The following PSAP variants were observed in gnomAD, a reference collection of about 807,000 sequenced individuals.
PSAP encodes the protein precursor of saposins.
PSAP carries 25 observed loss-of-function variants against 66.0 expected under a neutral mutation model. The observed-to-expected ratio is 0.38, with a 90% CI of 0.28 to 0.53. The LOEUF (loss-of-function observed/expected upper bound fraction) is 0.53. Among genes scored for constraint, PSAP ranks in the 20% least tolerant of loss-of-function variants. The pLI, the probability that PSAP is intolerant of heterozygous loss-of-function variation, is 0.83. For synonymous variants in PSAP, 273 were observed against 258.9 expected (o/e 1.05, Z -0.52); for missense variants, 649 against 668.8 (o/e 0.97, Z 0.33).
chr10:71,849,641 A>G (rs1356620678), intron 1 of PSAP, among the ~76,000 whole-genome samples: 2 of 152,092 alleles, frequency 1.3e-5, no homozygotes, highest in Admixed American at 6.5e-5. Context: ...ACAAACAAAA[A>G]AAAAACGGCC....
intron 6 of PSAP, among the ~76,000 whole-genome samples, chr10:71,826,740 C>G (rs1464473550): frequency 3.0e-5 from 2 of 66,124 alleles, no homozygotes; most frequent in Non-Finnish European, 6.4e-5. Context: ...AACCCTGTCT[C>G]AAGAAAAAAA....
chr10:71,843,303 G>T (rs918473812), intron 1 of PSAP, among the ~76,000 whole-genome samples: 1 of 152,182 alleles, frequency 6.6e-6, no homozygotes, highest in African/African-American at 2.4e-5. Context: ...ACAGAAGAGA[G>T]GGGGAGGAGC....
intron 1 of PSAP, among the ~76,000 whole-genome samples, chr10:71,843,441 C>G (rs754785973): frequency 2.6e-5 from 4 of 152,162 alleles, no homozygotes; most frequent in Non-Finnish European, 4.4e-5. Flanking sequence ...TCGTACAGAA[C>G]AGCATCCCAT....
chr10:71,829,123 G>A (rs780683330), intron 4 of PSAP, 46 bp from the exon 5 acceptor site: 1 of 1,566,840 alleles, frequency 6.4e-7, no homozygotes, highest in Admixed American at 1.7e-5. Flanking sequence ...CTCCCCAGGG[G>A]AAAATAAGAC....
intron 4 of PSAP, among the ~76,000 whole-genome samples, chr10:71,830,813 T>G (rs1443202280): frequency 1.3e-5 from 2 of 152,352 alleles, no homozygotes; most frequent in African/African-American, 4.8e-5. Flanking sequence ...GTTTTGTGCC[T>G]GCTCAAAGGG....
At position 71,831,881 on chromosome 10, in the gene PSAP, C is replaced by T. The variant is rs150701404; in HGVS notation, c.214G>A (p.Ala72Thr). 1.3e-5 allele frequency: 21 copies of T among 1,613,896 alleles called. No homozygotes were observed. In the Admixed American group the frequency reaches 2.0e-4, roughly 15 times the overall value. ...TTGTCCTTCAGCATATCACCAGCTG[C>T]GGTGACAACGTCTTTGCATATGTCG... ...PCDICKDVVT[A>T]AGDMLKDNAT... Residue 72 changes from alanine (A) to threonine (T), a missense_variant, in exon 3 of 14, where the codon GCA (alanine) becomes ACA (threonine). Coordinates refer to ENST00000394936, the MANE Select transcript of PSAP (RefSeq NM_002778.4).
rs950008448 is a variant in PSAP at position 71,816,801 on chromosome 10, ACACGGGAAAGC to A, written c.*629_*639del. 1.4e-5 allele frequency: 3 copies of A among 214,064 alleles called. No homozygotes were observed. In the Admixed American group the frequency reaches 1.5e-4, roughly 11 times the overall value. 13.3% of individuals were successfully genotyped at this position (214,064 alleles called of 1,614,324 possible). A position where few individuals can be genotyped will look rare whatever the true frequency, so the allele number is the denominator to read the frequency against. ...CCCAAACAAGGCATCACCAGGAAAG[ACACGGGAAAGC>A]CAAATCACAGTTGAACCAGGGACAG... is the stretch of plus-strand genomic sequence containing the variant. On this transcript the variant is annotated 3_prime_UTR_variant, in exon 14 of 14. Transcript: ENST00000394936.
Position 71,817,119 on chromosome 10 carries a change from C to T in PSAP, c.*322G>A, listed in dbSNP as rs1017005214. The stretch of plus-strand genomic sequence containing the variant: ...AGGCCTCAACCAAGAGGGTTGATGG[C>T]CTCCAGTCAAGAAACTGTGGCTCAT... On this transcript the variant is annotated 3_prime_UTR_variant, in exon 14 of 14. Transcript: ENST00000394936. 1.3e-5 allele frequency: 6 copies of T among 467,314 alleles called. No homozygotes were observed. The highest frequency in any genetic ancestry group is 6.8e-5 in the Admixed American group (2 of 29,616). 28.9% of individuals were successfully genotyped at this position (467,314 alleles called of 1,614,324 possible).
At chr10:71,843,813 C>T (rs1008022496) in intron 1 of PSAP, among the ~76,000 whole-genome samples, 3 of 152,132 alleles carry the variant, frequency 2.0e-5, no homozygotes, top group African/African-American at 7.2e-5. Context: ...TGGTAAAAAT[C>T]CAAATAAAGT....
In PSAP at chr10:71,825,882, A is replaced by G. The variant is rs146732171; in HGVS notation, c.732T>C (p.Tyr244=). 6 of 1,613,494 alleles carry G rather than the reference A, an allele frequency of 3.7e-6. No individual in the cohort carries two copies. The highest frequency in any genetic ancestry group is 5.1e-6 in the Non-Finnish European group (6 of 1,179,502). ...GPGMADICKN[Y]ISQYSEIAIQ... ...TAGCAATTTCAGAATACTGGCTGAT[A>G]TAGTTCTTGCACTGAGGAGAGAGAA... The change falls in exon 7 of 14, where the codon TAT becomes TAC. Residue 244 remains tyrosine, a synonymous_variant. Transcript: ENST00000394936.
chr10:71,817,554 C>T, intron 13 of PSAP, 78 bp from the exon 14 acceptor site: 1 of 1,392,904 alleles, frequency 7.2e-7, no homozygotes, highest in Non-Finnish European at 1.0e-6. Context: ...TCAGATATCA[C>T]CCCAAAACAG....
At chr10:71,849,947 A>G (rs971575196) in intron 1 of PSAP, among the ~76,000 whole-genome samples, 3 of 152,188 alleles carry the variant, frequency 2.0e-5, no homozygotes, top group African/African-American at 7.2e-5. Context: ...TAAGGGGTGT[A>G]GGAATCATAC....
chr10:71,845,094 A>G (rs1842797320), intron 1 of PSAP, among the ~76,000 whole-genome samples: 2 of 152,252 alleles, frequency 1.3e-5, no homozygotes, highest in Admixed American at 1.3e-4. Flanking sequence ...TGTATGCATA[A>G]GATAAAACAT....
intron 1 of PSAP, among the ~76,000 whole-genome samples, chr10:71,836,534 C>A (rs952526971): frequency 6.6e-5 from 10 of 152,094 alleles, no homozygotes; most frequent in Non-Finnish European, 1.2e-4. Flanking sequence ...CCTAGCCCTA[C>A]CTCCAAATCA....
chr10:71,831,326 C>A, intron 3 of PSAP, 75 bp from the exon 4 acceptor site: 1 of 1,576,242 alleles, frequency 6.3e-7, no homozygotes, highest in East Asian at 2.3e-5. Flanking sequence ...GGCAAGAGGC[C>A]CTCAATAGCT....
Position 71,831,144 on chromosome 10 carries a change from G to A in PSAP, c.357C>T (p.Asp119=). The part of the protein sequence containing the change: ...IVDSYLPVIL[D]IIKGEMSRPG... The stretch of plus-strand genomic sequence containing the variant: ...CACTTACCATTTCTCCTTTAATGAT[G>A]TCCAGGATGACAGGGAGGTAGGAGT... Residue 119 remains aspartate (D), a synonymous_variant, in exon 4 of 14, where the codon GAC becomes GAT. Transcript: ENST00000394936. The A allele has an allele frequency of 6.2e-7, 1 of 1,614,082 alleles. No individual in the cohort carries two copies. Among genetic ancestry groups the A allele is most frequent in the Non-Finnish European group, 8.5e-7 (1 of 1,179,986 alleles).
At chr10:71,844,303 C>G (rs146592446) in intron 1 of PSAP, among the ~76,000 whole-genome samples, 2 of 152,284 alleles carry the variant, frequency 1.3e-5, no homozygotes, top group East Asian at 3.9e-4. Context: ...GAGACATGTA[C>G]GAGAATTTTT....
intron 1 of PSAP, among the ~76,000 whole-genome samples, chr10:71,839,099 C>A (rs1842679889): frequency 6.6e-6 from 1 of 152,202 alleles, no homozygotes; most frequent in Non-Finnish European, 1.5e-5. Context: ...GTATGCTGAA[C>A]TCCAAAAAAG....
chr10:71,823,691 C>G (rs1432297177), intron 7 of PSAP, among the ~76,000 whole-genome samples: 1 of 152,082 alleles, frequency 6.6e-6, no homozygotes, highest in Non-Finnish European at 1.5e-5. Flanking sequence ...GAGATGAGAC[C>G]CCCAAAACCT....
Sources: gnomAD v4.1 joint callset for allele counts (sites outside exome capture counted in the v4.1 genomes callset) on GRCh38, gnomAD v4.1.1 for gene constraint, MANE v1.5 for transcripts, NCBI Gene and HGNC (gene_info 2026-07-23, HGNC 2026-07-21) for gene names.